ABTB2: variants seen among roughly 807,000 people sequenced by gnomAD.
The protein encoded by ABTB2 is ankyrin repeat and BTB domain containing 2.
Under a neutral mutation model 104.1 loss-of-function variants are expected in ABTB2, and 56 were observed. The ratio of observed to expected loss-of-function variants is 0.54; its 90% CI spans 0.43 to 0.67. The LOEUF is 0.67. ABTB2 is among the 30% of genes least tolerant of loss of function. The pLI is 0.00. For synonymous variants in ABTB2, 606 were observed against 608.2 expected, an observed-to-expected ratio of 1.00 and a Z score of 0.05; for missense variants, 1,279 against 1,407.7, an observed-to-expected ratio of 0.91 and a Z score of 1.46.
At chr11:34,166,955 T>C (rs1463883008) in intron 7 of ABTB2, among the ~76,000 whole-genome samples, 1 of 152,184 alleles carries the variant, frequency 6.6e-6, no homozygotes, top group Non-Finnish European at 1.5e-5. Context: ...TGAGTGGGAC[T>C]GGGACAGCCC....
Position 34,357,005 on chromosome 11 carries a change from C to T in ABTB2, c.579G>A (p.Leu193=). 1 of 1,575,432 alleles carries T rather than the reference C, an allele frequency of 6.3e-7. No homozygotes were observed. Among genetic ancestry groups the T allele is most frequent in the Non-Finnish European group, 8.6e-7 (1 of 1,163,278 alleles). ...CGCAGCGCGCGGACTTGCCCCGGCG[C>T]AGCCCGTCGCCGGCGCTCATGCTGT... ...SLYSMSAGDG[L]RRGKSARCGL... The change falls in exon 1 of 17, where the codon CTG becomes CTA. Residue 193 remains leucine, a synonymous_variant. Transcript: ENST00000435224.
intron 3 of ABTB2, among the ~76,000 whole-genome samples, chr11:34,181,416 G>A (rs539656804): frequency 9.8e-5 from 15 of 152,316 alleles, no homozygotes; most frequent in African/African-American, 3.6e-4. Flanking sequence ...ACCCCAGAGT[G>A]AGTCAGGTTG....
intron 3 of ABTB2, among the ~76,000 whole-genome samples, chr11:34,182,503 G>C (rs1256757390): frequency 1.4e-5 from 2 of 139,658 alleles, no homozygotes; most frequent in Admixed American, 7.2e-5. Context: ...TCTCTGGGGG[G>C]GGGGGGAAAT....
chr11:34,292,625 A>G (rs1185981808), intron 1 of ABTB2, among the ~76,000 whole-genome samples: 3 of 152,254 alleles, frequency 2.0e-5, no homozygotes, highest in African/African-American at 7.2e-5. Flanking sequence ...TAGTGGGTGG[A>G]AGATGGACAA....
At position 34,159,399 on chromosome 11, in the gene ABTB2, A is replaced by C. The variant is rs778179644; in HGVS notation, c.2607-13T>G. The C allele has an allele frequency of 6.3e-7, 1 of 1,597,952 alleles. No individual in the cohort carries two copies. ...TAGTGTCTTGAACCTGGAGCAAAGGAGACAAAGCAAGGTGGGTTTTGAACC... is the reference window on the plus strand; with the variant it reads ...TAGTGTCTTGAACCTGGAGCAAAGGCGACAAAGCAAGGTGGGTTTTGAACC... On this transcript the variant is annotated splice_polypyrimidine_tract_variant and intron_variant, in intron 13 of 16. Transcript: ENST00000435224.
chr11:34,352,241 G>A (rs1483138971), intron 1 of ABTB2, among the ~76,000 whole-genome samples: 3 of 152,096 alleles, frequency 2.0e-5, no homozygotes, highest in Non-Finnish European at 4.4e-5. Context: ...TCTCTCAGCT[G>A]GTGAATAACT....
chr11:34,348,189 C>A (rs148323524), intron 1 of ABTB2, among the ~76,000 whole-genome samples: 1 of 152,114 alleles, frequency 6.6e-6, no homozygotes, highest in Non-Finnish European at 1.5e-5. Flanking sequence ...GGACAGCAGA[C>A]GGGTGCATTT....
chr11:34,172,075 TA>T (rs964093645), intron 4 of ABTB2, among the ~76,000 whole-genome samples: 9 of 151,168 alleles, frequency 6.0e-5, no homozygotes, highest in African/African-American at 4.9e-5. Context: ...GGCAGAGGGT[TA>T]AAAAAAAGAT....
chr11:34,210,155 G>C (rs956808750), intron 1 of ABTB2, among the ~76,000 whole-genome samples: 2 of 152,262 alleles, frequency 1.3e-5, no homozygotes, highest in East Asian at 3.9e-4. Context: ...AGGGTTTTTA[G>C]AAGCAGGGCT....
chr11:34,285,640 C>T (rs755546321), intron 1 of ABTB2, among the ~76,000 whole-genome samples: 44 of 152,024 alleles, frequency 2.9e-4, no homozygotes, highest in Non-Finnish European at 5.3e-4. Flanking sequence ...ACCCTGGAGC[C>T]GTCACACGTG....
intron 1 of ABTB2, among the ~76,000 whole-genome samples, chr11:34,221,733 C>A (rs538798665): frequency 4.0e-4 from 61 of 152,338 alleles, no homozygotes; most frequent in African/African-American, 1.4e-3. Context: ...CCCACTCACT[C>A]ACTTAATTTT....
At chr11:34,292,864 G>A (rs974065367) in intron 1 of ABTB2, among the ~76,000 whole-genome samples, 1 of 152,190 alleles carries the variant, frequency 6.6e-6, no homozygotes, top group Admixed American at 6.5e-5. Flanking sequence ...TGGTAATAAA[G>A]GAGTCACTGA....
chr11:34,307,824 A>G (rs557977343), intron 1 of ABTB2, among the ~76,000 whole-genome samples: 1 of 151,346 alleles, frequency 6.6e-6, no homozygotes, highest in East Asian at 2.0e-4. Context: ...TCAGCCTCCC[A>G]CATAGCTGGG....
chr11:34,316,522 C>A (rs994673926), intron 1 of ABTB2, among the ~76,000 whole-genome samples: 3 of 152,148 alleles, frequency 2.0e-5, no homozygotes, highest in African/African-American at 7.2e-5. Flanking sequence ...TTTGCTACCC[C>A]AAAACCCACA....
At chr11:34,317,846 T>A (rs966471233) in intron 1 of ABTB2, among the ~76,000 whole-genome samples, 1 of 152,096 alleles carries the variant, frequency 6.6e-6, no homozygotes, top group African/African-American at 2.4e-5. Context: ...GCATGGGTAT[T>A]ACACACATAA....
rs201970804 is a variant in ABTB2, at chr11:34,178,221, C to T, written c.1245-4914G>A. Among the ~76,000 whole-genome samples, 11 of 152,124 alleles carry T rather than the reference C, an allele frequency of 7.2e-5. No individual in the cohort carries two copies. In the East Asian group the frequency reaches 2.1e-3, roughly 29 times the overall value. Reference sequence around the variant, plus strand: ...AGGGGCTGGTGCCCACATGTACAAACAAGGCCCCCAAACTGATCCCTTCAG... The same window carrying T: ...AGGGGCTGGTGCCCACATGTACAAATAAGGCCCCCAAACTGATCCCTTCAG... On this transcript the variant is annotated intron_variant, in intron 3 of 16. Transcript: ENST00000435224.
intron 14 of ABTB2, among the ~76,000 whole-genome samples, chr11:34,157,230 T>G (rs1178544276): frequency 1.3e-5 from 2 of 152,290 alleles, no homozygotes; most frequent in Non-Finnish European, 2.9e-5. Flanking sequence ...ATGGCAAAAT[T>G]CTGTACCCAG....
At chr11:34,166,794 A>G (rs1852806891) in intron 7 of ABTB2, among the ~76,000 whole-genome samples, 2 of 152,234 alleles carry the variant, frequency 1.3e-5, no homozygotes, top group South Asian at 4.1e-4. Flanking sequence ...GCTTGGCTCG[A>G]CGGGTGAGCC....
intron 3 of ABTB2, among the ~76,000 whole-genome samples, chr11:34,180,574 G>A (rs1280575670): frequency 1.3e-5 from 2 of 152,192 alleles, no homozygotes; most frequent in African/African-American, 4.8e-5. Context: ...TGTACATAAA[G>A]GGCAGCACAT....
Sources: allele counts gnomAD v4.1 joint callset (sites outside exome capture counted in the v4.1 genomes callset), GRCh38; gene constraint gnomAD v4.1.1; transcripts MANE v1.5; gene names NCBI Gene and HGNC (gene_info 2026-07-23, HGNC 2026-07-21).